Variants in TARS1 observed in about 807,000 individuals in gnomAD.
The protein encoded by TARS1 is threonyl-tRNA synthetase 1, also known as threonine--tRNA ligase 1, cytoplasmic.
TARS1 carries 57 observed loss-of-function variants against 97.7 expected under a neutral mutation model. The ratio of observed to expected loss-of-function variants is 0.58; its 90% CI spans 0.47 to 0.73. The LOEUF (loss-of-function observed/expected upper bound fraction) is 0.73. Among genes scored for constraint, TARS1 ranks in the 30% least tolerant of loss-of-function variants. TARS1 has a pLI of 0.00. For synonymous variants in TARS1, 312 were observed against 293.7 expected, an observed-to-expected ratio of 1.06 and a Z score of -0.64; for missense variants, 806 against 888.3, an observed-to-expected ratio of 0.91 and a Z score of 1.18.
Position 33,466,936 on chromosome 5 carries a change from G to C in TARS1, c.1974G>C (p.Leu658Phe). ...TTGATCTGGATCCAGGCTGTACATT[G>C]AATAAAAAGATTCGAAATGCACAGT... ...ADIDLDPGCT[L>F]NKKIRNAQLA... The change falls in exon 18 of 19, where the codon TTG becomes TTC. Residue 658 changes from leucine to phenylalanine, a missense_variant. Coordinates refer to ENST00000265112, the MANE Select transcript of TARS1 (RefSeq NM_152295.5). 1 of 1,604,994 alleles carries C rather than the reference G, an allele frequency of 6.2e-7. No homozygotes were observed.
intron 2 of TARS1, among the ~76,000 whole-genome samples, chr5:33,447,627 A>G (rs1012470866): frequency 2.1e-5 from 3 of 143,688 alleles, no homozygotes; most frequent in African/African-American, 7.5e-5. Context: ...AGACATATGT[A>G]TGGAGACGTT....
Position 33,457,278 on chromosome 5 carries a change from G to T in TARS1, c.859G>T (p.Gly287Cys). 6.2e-7 allele frequency: 1 copy of T among 1,613,874 alleles called. No individual in the cohort carries two copies. The highest frequency in any genetic ancestry group is 8.5e-7 in the Non-Finnish European group (1 of 1,179,892). The change falls in exon 9 of 19, where the codon GGC becomes TGC. Residue 287 changes from glycine (G) to cysteine (C), a missense_variant. By Grantham distance (159) the Gly-to-Cys change is radical. This residue lies in a region of TARS1 where 356 missense variants were observed against 357.8 expected (regional missense o/e 0.99). Coordinates refer to ENST00000265112, the MANE Select transcript of TARS1 (RefSeq NM_152295.5). ...TCAGAATTCCTCCACGTACTGGGAA[G>T]GCAAAGCAGATATGGAGACTCTCCA... The part of the protein sequence containing the change: ...IHKNSSTYWE[G>C]KADMETLQRI...
chr5:33,442,320 C>CTTTTTTTT (rs763508345), intron 1 of TARS1, among the ~76,000 whole-genome samples: 9 of 104,606 alleles, frequency 8.6e-5, no homozygotes, highest in Non-Finnish European at 1.1e-4. Context: ...TGTTTTGTAA[C>CTTTTTTTT]TTTTTTTTTT....
At chr5:33,443,360 T>G (rs1377207584) in intron 1 of TARS1, among the ~76,000 whole-genome samples, 1 of 138,180 alleles carries the variant, frequency 7.2e-6, no homozygotes, top group Non-Finnish European at 1.6e-5. Context: ...TCTCTCTCTC[T>G]CACTACCCCT....
chr5:33,459,452 G>A (rs974281811), intron 10 of TARS1, among the ~76,000 whole-genome samples: 8 of 152,230 alleles, frequency 5.3e-5, no homozygotes, highest in African/African-American at 1.7e-4. Context: ...TGTATTGATG[G>A]ACACTGATGT....
At chr5:33,453,834 C>G (rs183971180) in intron 4 of TARS1, among the ~76,000 whole-genome samples, 1 of 152,040 alleles carries the variant, frequency 6.6e-6, no homozygotes, top group Non-Finnish European at 1.5e-5. Context: ...ATTCTCCTGC[C>G]TCAGCCTCCC....
intron 3 of TARS1, among the ~76,000 whole-genome samples, chr5:33,452,972 AC>A (rs1248069042): frequency 6.6e-6 from 1 of 151,940 alleles, no homozygotes; most frequent in Non-Finnish European, 1.5e-5. Flanking sequence ...AAAAAAAAAA[AC>A]TTATTTGTTG....
chr5:33,458,942 AC>A (rs1328394487), intron 10 of TARS1, among the ~76,000 whole-genome samples: 2 of 152,164 alleles, frequency 1.3e-5, no homozygotes, highest in Non-Finnish European at 2.9e-5. Flanking sequence ...CTTTGAAAAA[AC>A]GGTTTTTACA....
At position 33,455,697 on chromosome 5, in the gene TARS1, T is replaced by C. The variant is rs1741977912; in HGVS notation, c.686T>C (p.Met229Thr). 1.3e-6 allele frequency: 2 copies of C among 1,597,902 alleles called. No homozygotes were observed. The highest frequency in any genetic ancestry group is 8.6e-7 in the Non-Finnish European group (1 of 1,166,292). The stretch of plus-strand genomic sequence containing the variant: ...GTTAAGAAAGAAACTTTACTGGCAA[T>C]GTTTAAGGTAAATTGAACCATAGTG... The part of the protein sequence containing the change: ...LEVKKETLLA[M>T]FKYNKFKCRI... The change falls in exon 6 of 19, where the codon ATG becomes ACG. Residue 229 changes from methionine to threonine, a missense_variant. Physicochemically the swap from Met to Thr is moderately conservative, Grantham distance 81. Transcript: ENST00000265112.
At chr5:33,462,784 C>T (rs1445560829) in intron 16 of TARS1, among the ~76,000 whole-genome samples, 1 of 152,200 alleles carries the variant, frequency 6.6e-6, no homozygotes, top group Non-Finnish European at 1.5e-5. Flanking sequence ...CATTTGAAAG[C>T]AGCACAGGGT....
chr5:33,461,389 C>T (rs1742285081), intron 13 of TARS1, 94 bp downstream of exon 13: 1 of 1,486,780 alleles, frequency 6.7e-7, no homozygotes, highest in South Asian at 1.4e-5. Flanking sequence ...TGGATAAAAG[C>T]AAAATGAAAT....
rs1714824311 is a variant in TARS1, at chr5:33,456,182, T to G, written c.792T>G (p.Pro264=). The G allele has an allele frequency of 6.2e-7, 1 of 1,613,952 alleles. No individual in the cohort carries two copies. The highest frequency in any genetic ancestry group is 1.3e-5 in the African/African-American group (1 of 74,936). Residue 264 remains proline, a synonymous_variant, in exon 8 of 19, where the codon CCT becomes CCG. Coordinates refer to ENST00000265112, the MANE Select transcript of TARS1 (RefSeq NM_152295.5). The part of the protein sequence containing the change: ...CGPLIDLCRG[P]HVRHTGKIKA... ...CTTTGATAGATCTCTGCCGGGGTCCTCATGTTAGACACACGGGCAAAATTA... is the reference window on the plus strand; with the variant it reads ...CTTTGATAGATCTCTGCCGGGGTCCGCATGTTAGACACACGGGCAAAATTA...
At chr5:33,459,557 T>G in intron 10 of TARS1, 138 bp from the exon 11 acceptor site, 1 of 1,042,080 alleles carries the variant, frequency 9.6e-7, no homozygotes, top group Non-Finnish European at 1.4e-6. Flanking sequence ...TGGTATATAC[T>G]TAGAAGTGGG....
At chr5:33,441,549 G>C (rs560312002) in intron 1 of TARS1, 2 of 168,222 alleles carry the variant, frequency 1.2e-5, no homozygotes, top group East Asian at 3.3e-4. Context: ...GATCCTGCGG[G>C]GGTAAAGAGC....
chr5:33,453,255 T>C (rs1016459223), intron 3 of TARS1, 34 bp from the exon 4 acceptor site: 5 of 1,551,294 alleles, frequency 3.2e-6, no homozygotes, highest in Non-Finnish European at 4.3e-6. Context: ...TACTTATATA[T>C]GTGTGGACTT....
intron 4 of TARS1, among the ~76,000 whole-genome samples, 183 bp downstream of exon 4, chr5:33,453,595 G>A (rs1047991746): frequency 5.3e-5 from 8 of 152,122 alleles, no homozygotes. Context: ...AGAAAATAAA[G>A]GGGTGAAGCT....
At chr5:33,448,216 A>G (rs1741517142) in intron 2 of TARS1, among the ~76,000 whole-genome samples, 1 of 152,216 alleles carries the variant, frequency 6.6e-6, no homozygotes, top group South Asian at 2.1e-4. Flanking sequence ...TTTTATTTCC[A>G]GTATTGTTTA....
At position 33,461,197 on chromosome 5, in the gene TARS1, A is replaced by G. The variant is rs779196713; in HGVS notation, c.1453A>G (p.Thr485Ala). The G allele has an allele frequency of 3.7e-6, 6 of 1,613,072 alleles. No homozygotes were observed. Among genetic ancestry groups the G allele is most frequent in the South Asian group, 1.1e-5 (1 of 90,692 alleles). ...AAAAGGTTGTTTGGATTTTCTACGT[A>G]CGGTATATAGCGTATTTGGATTTTC... Reference protein sequence around the residue: ...EIKGCLDFLRTVYSVFGFSFK... With the variant: ...EIKGCLDFLRAVYSVFGFSFK... The change falls in exon 13 of 19, where the codon ACG becomes GCG. Residue 485 changes from threonine to alanine, a missense_variant. Coordinates refer to ENST00000265112, the MANE Select transcript of TARS1 (RefSeq NM_152295.5).
chr5:33,466,848 A>T (rs756941132), intron 17 of TARS1, 23 bp from the exon 18 acceptor site: 47 of 1,534,200 alleles, frequency 3.1e-5, no homozygotes, highest in Non-Finnish European at 3.9e-5. Context: ...GATCTGACAA[A>T]TTCTGTATCT....
Sources: allele counts gnomAD v4.1 joint callset (sites outside exome capture counted in the v4.1 genomes callset), GRCh38; gene constraint gnomAD v4.1.1; regional missense constraint gnomAD v4.1.1; transcripts MANE v1.5; gene names NCBI Gene and HGNC (gene_info 2026-07-23, HGNC 2026-07-21).